The following CNTNAP2 variants were observed in gnomAD, a reference collection of about 807,000 sequenced individuals.
CNTNAP2 encodes the protein contactin-associated protein-like 2.
CNTNAP2 carries 98 observed loss-of-function variants against 155.2 expected under a neutral mutation model. That is an observed-to-expected ratio of 0.63 (90% CI 0.54 to 0.75). The LOEUF (loss-of-function observed/expected upper bound fraction) is 0.75, where lower values mean the gene tolerates loss of function less well. CNTNAP2 is among the 30% of genes least tolerant of loss of function. The pLI is 0.00. For missense variants in CNTNAP2, 1,727 were observed against 1,688.1 expected (o/e 1.02, Z -0.40); for synonymous variants, 651 against 631.2 (o/e 1.03, Z -0.47).
intron 1 of CNTNAP2, among the ~76,000 whole-genome samples, chr7:146,740,124 C>T (rs1338278197): frequency 6.6e-6 from 1 of 151,930 alleles, no homozygotes; most frequent in Non-Finnish European, 1.5e-5. Context: ...GTTTCATAAG[C>T]TTTTTTTCAG....
At chr7:146,886,354 T>G (rs1383174349) in intron 3 of CNTNAP2, among the ~76,000 whole-genome samples, 2 of 151,784 alleles carry the variant, frequency 1.3e-5, no homozygotes, top group Non-Finnish European at 2.9e-5. Flanking sequence ...TTTGCCCTCC[T>G]ACATTCTTTT....
At chr7:148,149,069 T>C (rs1805248688) in intron 17 of CNTNAP2, among the ~76,000 whole-genome samples, 1 of 152,216 alleles carries the variant, frequency 6.6e-6, no homozygotes, top group South Asian at 2.1e-4. Context: ...AGTTTCTTCC[T>C]AAATACTGTT....
chr7:147,479,228 A>T (rs570560495), intron 10 of CNTNAP2, among the ~76,000 whole-genome samples: 1 of 152,246 alleles, frequency 6.6e-6, no homozygotes, highest in Non-Finnish European at 1.5e-5. Flanking sequence ...GTTATTCCAT[A>T]AAACTTCCAT....
intron 3 of CNTNAP2, among the ~76,000 whole-genome samples, chr7:146,979,429 C>T (rs1054840902): frequency 2.0e-5 from 3 of 152,192 alleles, no homozygotes; most frequent in Non-Finnish European, 2.9e-5. Flanking sequence ...ATTGTCTCCA[C>T]AGAGAGTGCT....
intron 13 of CNTNAP2, among the ~76,000 whole-genome samples, chr7:147,725,367 G>A (rs534405577): frequency 6.6e-6 from 1 of 152,184 alleles, no homozygotes; most frequent in South Asian, 2.1e-4. Flanking sequence ...AGGAAACAAA[G>A]ATAAGAAGCA....
intron 11 of CNTNAP2, among the ~76,000 whole-genome samples, chr7:147,527,681 G>A (rs948499489): frequency 1.1e-4 from 17 of 152,262 alleles, no homozygotes; most frequent in African/African-American, 3.6e-4. Flanking sequence ...GCACAGGTGA[G>A]ACCAGGCAGG....
chr7:146,463,151 A>G (rs1796663997), intron 1 of CNTNAP2, among the ~76,000 whole-genome samples: 1 of 152,204 alleles, frequency 6.6e-6, no homozygotes, highest in Non-Finnish European at 1.5e-5. Context: ...TAAGACAGAA[A>G]TAAAAACAAA....
chr7:146,887,591 A>AT (rs1377260534), intron 3 of CNTNAP2, among the ~76,000 whole-genome samples: 2 of 151,602 alleles, frequency 1.3e-5, no homozygotes, highest in Admixed American at 1.3e-4. Flanking sequence ...ATTTTTCTGT[A>AT]TTTTTTTTCT....
At chr7:146,170,185 C>T (rs939388612) in intron 1 of CNTNAP2, among the ~76,000 whole-genome samples, 2 of 152,022 alleles carry the variant, frequency 1.3e-5, no homozygotes, top group Non-Finnish European at 2.9e-5. Context: ...CACCACCACA[C>T]CCAGCTAATT....
At chr7:148,363,846 C>T (rs1449078628) in intron 21 of CNTNAP2, among the ~76,000 whole-genome samples, 1 of 144,760 alleles carries the variant, frequency 6.9e-6, no homozygotes, top group Admixed American at 6.7e-5. Flanking sequence ...ACTGGGGCTG[C>T]GTGCGGGCCA....
chr7:146,213,799 T>G (rs892933173), intron 1 of CNTNAP2, among the ~76,000 whole-genome samples: 1 of 152,202 alleles, frequency 6.6e-6, no homozygotes, highest in Non-Finnish European at 1.5e-5. Flanking sequence ...TGTCAACCAA[T>G]GTCTGAATAA....
intron 11 of CNTNAP2, among the ~76,000 whole-genome samples, chr7:147,527,336 C>A (rs1414507641): frequency 6.6e-6 from 1 of 152,014 alleles, no homozygotes; most frequent in East Asian, 1.9e-4. Flanking sequence ...ACAGGTATTT[C>A]TTTTCATATT....
At chr7:147,703,436 T>C (rs1416805411) in intron 13 of CNTNAP2, among the ~76,000 whole-genome samples, 1 of 152,180 alleles carries the variant, frequency 6.6e-6, no homozygotes, top group Non-Finnish European at 1.5e-5. Context: ...TGAAAGGCAA[T>C]TTCAGTTATG....
intron 13 of CNTNAP2, among the ~76,000 whole-genome samples, chr7:147,775,956 T>C (rs945022372): frequency 3.3e-5 from 5 of 152,206 alleles, no homozygotes; most frequent in African/African-American, 4.8e-5. Flanking sequence ...TTGTTTTGTA[T>C]TGTTTCATGT....
At chr7:147,499,398 A>G (rs7782899) in intron 11 of CNTNAP2, among the ~76,000 whole-genome samples, 43,327 of 151,548 alleles carry the variant, frequency 0.29, 6,286 homozygotes, top group East Asian at 0.43. Context: ...GCGTGGTGGC[A>G]GGCGCCTGTA....
At chr7:148,184,906 G>C (rs1795092767) in intron 18 of CNTNAP2, among the ~76,000 whole-genome samples, 1 of 152,200 alleles carries the variant, frequency 6.6e-6, no homozygotes, top group Non-Finnish European at 1.5e-5. Flanking sequence ...AAAGTGCTTT[G>C]AAAAGCATTA....
chr7:147,761,534 C>T (rs987294396), intron 13 of CNTNAP2, among the ~76,000 whole-genome samples: 10 of 152,154 alleles, frequency 6.6e-5, no homozygotes, highest in African/African-American at 2.4e-4. Context: ...AAGTACCTGC[C>T]ATTAATTCAT....
intron 18 of CNTNAP2, among the ~76,000 whole-genome samples, chr7:148,210,572 G>A (rs568049580): frequency 6.6e-6 from 1 of 152,322 alleles, no homozygotes; most frequent in South Asian, 2.1e-4. Context: ...CTTGTGTCTT[G>A]TGGGCCACAC....
intron 1 of CNTNAP2, among the ~76,000 whole-genome samples, chr7:146,142,551 GAT>G (rs1425072825): frequency 2.0e-5 from 3 of 152,178 alleles, no homozygotes; most frequent in Non-Finnish European, 4.4e-5. Context: ...AGGAATTAAA[GAT>G]AGAAAAATCT....
Sources: gnomAD v4.1 joint callset for allele counts (sites outside exome capture counted in the v4.1 genomes callset) on GRCh38, gnomAD v4.1.1 for gene constraint, MANE v1.5 for transcripts, NCBI Gene and HGNC (gene_info 2026-07-23, HGNC 2026-07-21) for gene names.